The following ARB2A variants were observed in gnomAD, a reference collection of about 807,000 sequenced individuals.
The protein encoded by ARB2A is ARB2 cotranscriptional regulator A, also known as cotranscriptional regulator ARB2A.
At chr5:94,103,795 C>CAAAA in the ARB2A span, among the ~76,000 whole-genome samples, 1 of 113,344 alleles carries the variant, frequency 8.8e-6, no homozygotes, top group African/African-American at 3.2e-5. Flanking sequence ...TCAACAGATT[C>CAAAA]AAAAAAAAAA....
At chr5:93,875,654 C>T in the ARB2A span, among the ~76,000 whole-genome samples, 1 of 152,256 alleles carries the variant, frequency 6.6e-6, no homozygotes, top group East Asian at 1.9e-4. Context: ...TCAATGACTA[C>T]AAGCTTTAAG....
the ARB2A span, chr5:93,620,922 A>G: frequency 6.4e-7 from 1 of 1,558,578 alleles, no homozygotes; most frequent in East Asian, 2.3e-5. Context: ...TCCGCTCGAC[A>G]CAAGCAGTGA....
At chr5:93,782,294 C>T in the ARB2A span, among the ~76,000 whole-genome samples, 1 of 152,088 alleles carries the variant, frequency 6.6e-6, no homozygotes, top group African/African-American at 2.4e-5. Context: ...TTGATTATCA[C>T]CTTTGGTTCT....
chr5:93,718,997 GCT>G, the ARB2A span, among the ~76,000 whole-genome samples: 1 of 152,156 alleles, frequency 6.6e-6, no homozygotes, highest in Non-Finnish European at 1.5e-5. Flanking sequence ...AACACTGACA[GCT>G]CTCTCTTGGA....
chr5:93,763,744 A>C, the ARB2A span, among the ~76,000 whole-genome samples: 33 of 152,076 alleles, frequency 2.2e-4, no homozygotes, highest in Non-Finnish European at 4.3e-4. Context: ...CAGAATATAC[A>C]TTTTTTTTCA....
the ARB2A span, among the ~76,000 whole-genome samples, chr5:93,675,481 TA>T: frequency 6.6e-6 from 1 of 152,234 alleles, no homozygotes; most frequent in African/African-American, 2.4e-5. Flanking sequence ...ATTCAACTTC[TA>T]AATATGTATA....
the ARB2A span, chr5:93,737,430 T>C: frequency 1.3e-5 from 2 of 152,092 alleles, no homozygotes; most frequent in African/African-American, 4.8e-5. Context: ...ATGGAAAAAC[T>C]GATCCTAAAA....
the ARB2A span, chr5:93,740,827 C>A: frequency 6.2e-7 from 1 of 1,613,850 alleles, no homozygotes. Context: ...CAGCTGGAGG[C>A]ACCCAGCAAT....
the ARB2A span, chr5:93,782,063 G>A: frequency 2.0e-4 from 57 of 284,866 alleles, 1 homozygote; most frequent in African/African-American, 1.3e-3. Flanking sequence ...CTCTACAAGA[G>A]GTCACACATT....
At chr5:93,964,471 T>G in the ARB2A span, 1 of 1,575,988 alleles carries the variant, frequency 6.3e-7, no homozygotes, top group Non-Finnish European at 8.7e-7. Context: ...AATAGATACT[T>G]TTTTCAAATT....
At chr5:94,076,691 T>C in the ARB2A span, among the ~76,000 whole-genome samples, 1 of 152,224 alleles carries the variant, frequency 6.6e-6, no homozygotes, top group Non-Finnish European at 1.5e-5. Flanking sequence ...TTACACATCA[T>C]CTTGTAGCAG....
the ARB2A span, among the ~76,000 whole-genome samples, chr5:93,961,584 T>G: frequency 6.6e-6 from 1 of 152,000 alleles, no homozygotes; most frequent in South Asian, 2.1e-4. Flanking sequence ...CTTGGCAAGC[T>G]GAGGCTGGAG....
the ARB2A span, among the ~76,000 whole-genome samples, chr5:93,984,008 G>C: frequency 6.6e-5 from 10 of 152,162 alleles, no homozygotes; most frequent in East Asian, 1.9e-3. Context: ...ACGAAAAGTA[G>C]CTATTTATTA....
the ARB2A span, among the ~76,000 whole-genome samples, chr5:93,718,850 T>G: frequency 6.6e-6 from 1 of 152,212 alleles, no homozygotes. Context: ...CTCATCTCTC[T>G]AAAGGTTCTT....
At chr5:93,768,465 A>G in the ARB2A span, among the ~76,000 whole-genome samples, 1 of 147,758 alleles carries the variant, frequency 6.8e-6, no homozygotes, top group Non-Finnish European at 1.5e-5. Context: ...AATATCCACT[A>G]TATATATATA....
At chr5:93,811,514 G>A in the ARB2A span, among the ~76,000 whole-genome samples, 1 of 151,992 alleles carries the variant, frequency 6.6e-6, no homozygotes, top group South Asian at 2.1e-4. Flanking sequence ...ATTGAACCCT[G>A]AAATACGTGA....
At chr5:93,858,691 C>A in the ARB2A span, among the ~76,000 whole-genome samples, 2 of 152,112 alleles carry the variant, frequency 1.3e-5, no homozygotes, top group East Asian at 3.8e-4. Flanking sequence ...CCTGAAGTGA[C>A]AGCATAAAAA....
At chr5:93,885,406 G>A in the ARB2A span, among the ~76,000 whole-genome samples, 2 of 151,358 alleles carry the variant, frequency 1.3e-5, no homozygotes, top group Non-Finnish European at 3.0e-5. Context: ...TTTCTTATAC[G>A]ATAAAAAGTT....
the ARB2A span, among the ~76,000 whole-genome samples, chr5:93,963,423 C>A: frequency 6.6e-6 from 1 of 151,856 alleles, no homozygotes; most frequent in Non-Finnish European, 1.5e-5. Context: ...ACCTAAAAAA[C>A]ATTTAAATAA....
Sources: gnomAD v4.1 joint callset for allele counts (sites outside exome capture counted in the v4.1 genomes callset) on GRCh38, gnomAD v4.1.1 for gene constraint, MANE v1.5 for transcripts, NCBI Gene and HGNC (gene_info 2026-07-23, HGNC 2026-07-21) for gene names.